PCLO: variants seen among roughly 807,000 people sequenced by gnomAD.
The protein encoded by PCLO is protein piccolo.
In PCLO, 82 loss-of-function variants were observed where a neutral mutation model predicts 427.5. That is an observed-to-expected ratio of 0.19 (90% CI 0.16 to 0.23). PCLO has a LOEUF of 0.23. Ranked by LOEUF, PCLO falls within the 10% of genes least tolerant of loss-of-function variation. PCLO has a pLI of 1.00. For synonymous variants in PCLO, 2,357 were observed against 2,155.4 expected (o/e 1.09, Z -2.59); for missense variants, 6,239 against 6,115.9 (o/e 1.02, Z -0.67).
chr7:83,026,799 T>A (rs1337857082), intron 3 of PCLO, among the ~76,000 whole-genome samples: 2 of 148,322 alleles, frequency 1.3e-5, no homozygotes, highest in African/African-American at 2.5e-5. Flanking sequence ...GGATTAAGAA[T>A]CTCACTCAAA....
chr7:82,782,563 G>A (rs1457760823), intron 22 of PCLO, among the ~76,000 whole-genome samples: 1 of 152,156 alleles, frequency 6.6e-6, no homozygotes, highest in Non-Finnish European at 1.5e-5. Flanking sequence ...AAAGAGAAGA[G>A]AGTAGAATGT....
chr7:83,021,246 C>T (rs1788335627), intron 3 of PCLO, among the ~76,000 whole-genome samples: 2 of 152,254 alleles, frequency 1.3e-5, no homozygotes, highest in African/African-American at 2.4e-5. Flanking sequence ...TTTGGCTGCC[C>T]TGTAATCATT....
chr7:83,124,081 C>T (rs1469431318), intron 3 of PCLO, among the ~76,000 whole-genome samples: 4 of 148,732 alleles, frequency 2.7e-5, no homozygotes, highest in South Asian at 2.1e-4. Flanking sequence ...CTTTGGGAGG[C>T]GGGCGGATCA....
intron 3 of PCLO, among the ~76,000 whole-genome samples, chr7:82,978,304 A>C (rs1419430313): frequency 6.6e-6 from 1 of 152,144 alleles, no homozygotes; most frequent in African/African-American, 2.4e-5. Context: ...TGCTCAATTA[A>C]TATGGGGCTA....
At chr7:82,819,366 C>A (rs2115622561) in intron 20 of PCLO, among the ~76,000 whole-genome samples, 1 of 151,752 alleles carries the variant, frequency 6.6e-6, no homozygotes, top group South Asian at 2.1e-4. Context: ...AGGACTATGT[C>A]TAGGAAGAAA....
intron 8 of PCLO, among the ~76,000 whole-genome samples, chr7:82,903,883 C>T (rs1317404731): frequency 6.6e-6 from 1 of 151,750 alleles, no homozygotes; most frequent in African/African-American, 2.4e-5. Context: ...TTAATGTGTC[C>T]TAGTATTTCC....
intron 6 of PCLO, among the ~76,000 whole-genome samples, chr7:82,944,764 T>C (rs1457850261): frequency 1.3e-5 from 2 of 152,162 alleles, no homozygotes; most frequent in African/African-American, 4.8e-5. Context: ...AACACAGATA[T>C]TTGCCAAATG....
At chr7:82,820,434 C>G (rs1474809143) in intron 20 of PCLO, 1 of 949,750 alleles carries the variant, frequency 1.1e-6, no homozygotes, top group African/African-American at 1.7e-5. Context: ...CTGACACATT[C>G]ATTTTAAGCT....
intron 22 of PCLO, among the ~76,000 whole-genome samples, chr7:82,777,208 C>T (rs1790772845): frequency 6.6e-6 from 1 of 151,948 alleles, no homozygotes; most frequent in Non-Finnish European, 1.5e-5. Flanking sequence ...GAGGTGAAAG[C>T]TATCTACAAT....
chr7:82,793,712 A>C (rs2129468463), intron 22 of PCLO, among the ~76,000 whole-genome samples: 1 of 152,174 alleles, frequency 6.6e-6, no homozygotes, highest in Non-Finnish European at 1.5e-5. Context: ...ATATCTCTAT[A>C]TTTGATAAGA....
At chr7:82,850,806 A>C (rs1263041106) in intron 10 of PCLO, among the ~76,000 whole-genome samples, 1 of 152,204 alleles carries the variant, frequency 6.6e-6, no homozygotes, top group East Asian at 1.9e-4. Context: ...GTGTTATAAA[A>C]ATTAATAAAA....
intron 3 of PCLO, among the ~76,000 whole-genome samples, chr7:83,113,396 T>C (rs1242567769): frequency 6.6e-6 from 1 of 152,216 alleles, no homozygotes; most frequent in African/African-American, 2.4e-5. Flanking sequence ...TAGCTGTAGA[T>C]GTATTCTACC....
intron 20 of PCLO, among the ~76,000 whole-genome samples, chr7:82,816,569 A>C (rs1367917755): frequency 6.6e-6 from 1 of 152,158 alleles, no homozygotes; most frequent in Non-Finnish European, 1.5e-5. Context: ...ATTTTTAAAG[A>C]CATGTCATAA....
intron 10 of PCLO, chr7:82,868,055 G>A (rs571601586): frequency 2.4e-5 from 11 of 451,514 alleles, no homozygotes; most frequent in Non-Finnish European, 3.6e-5. Context: ...TGTACCTAAC[G>A]CACCAGCTTT....
chr7:82,987,325 G>A (rs1796278281), intron 3 of PCLO, among the ~76,000 whole-genome samples: 1 of 151,962 alleles, frequency 6.6e-6, no homozygotes, highest in Non-Finnish European at 1.5e-5. Flanking sequence ...TATCACATGA[G>A]TTCTGGGGGA....
Position 83,155,074 on chromosome 7 carries a change from G to T in PCLO, c.1567C>A (p.Gln523Lys). The T allele has an allele frequency of 1.2e-6, 2 of 1,611,302 alleles. No homozygotes were observed. The highest frequency in any genetic ancestry group is 8.5e-7 in the Non-Finnish European group (1 of 1,178,758). Residue 523 changes from glutamine (Q) to lysine (K), a missense_variant, in exon 2 of 25, where the codon CAG (glutamine) becomes AAG (lysine). By Grantham distance (53) the Gln-to-Lys change is moderately conservative (BLOSUM62 1). Around this residue, in one of 5 missense-constraint regions of PCLO, gnomAD observed 4,677 missense variants for 4,468.4 expected, o/e 1.05. Coordinates refer to ENST00000333891, the MANE Select transcript of PCLO (RefSeq NM_033026.6). Reference protein sequence around the residue: ...QPGPAKPSPQQPGSTKPPSQQ... With the variant: ...QPGPAKPSPQKPGSTKPPSQQ... ...GATGGGGGTTTTGTTGAGCCAGGCT[G>T]TTGAGGTGAGGGCTTTGCTGGGCCA...
chr7:82,962,198 A>G (rs1182165075), intron 4 of PCLO, among the ~76,000 whole-genome samples: 1 of 152,178 alleles, frequency 6.6e-6, no homozygotes. Flanking sequence ...TTATGACACT[A>G]TCACAAACCT....
chr7:83,040,002 A>C (rs1788932130), intron 3 of PCLO, among the ~76,000 whole-genome samples: 1 of 152,148 alleles, frequency 6.6e-6, no homozygotes, highest in African/African-American at 2.4e-5. Context: ...AACAGATTTC[A>C]AAAATATTGT....
At chr7:82,887,554 C>T (rs1213930179) in intron 9 of PCLO, among the ~76,000 whole-genome samples, 3 of 152,132 alleles carry the variant, frequency 2.0e-5, no homozygotes, top group Non-Finnish European at 4.4e-5. Flanking sequence ...TGCTAAGCTA[C>T]CTCCAGCTGG....
Sources: allele counts gnomAD v4.1 joint callset (sites outside exome capture counted in the v4.1 genomes callset), GRCh38; gene constraint gnomAD v4.1.1; regional missense constraint gnomAD v4.1.1; transcripts MANE v1.5; gene names NCBI Gene and HGNC (gene_info 2026-07-23, HGNC 2026-07-21).